The following PDE7B variants were observed in gnomAD, a reference collection of about 807,000 sequenced individuals.
PDE7B encodes the protein phosphodiesterase 7B, also known as 3',5'-cyclic-AMP phosphodiesterase 7B.
In PDE7B, 29 loss-of-function variants were observed where a neutral mutation model predicts 56.2. The observed-to-expected ratio is 0.52, with a 90% CI of 0.38 to 0.70. PDE7B has a LOEUF of 0.70. Among genes scored for constraint, PDE7B ranks in the 30% least tolerant of loss-of-function variants. PDE7B has a pLI of 0.00. For missense variants in PDE7B, 490 were observed against 565.0 expected (o/e 0.87, Z 1.35); for synonymous variants, 197 against 196.9 (o/e 1.00, Z 0.00).
intron 3 of PDE7B, among the ~76,000 whole-genome samples, chr6:136,112,971 G>A (rs1267382467): frequency 2.0e-5 from 3 of 152,044 alleles, no homozygotes; most frequent in Non-Finnish European, 4.4e-5. Context: ...AGAGTGTCCT[G>A]ATTTGGACAC....
intron 11 of PDE7B, among the ~76,000 whole-genome samples, chr6:136,186,180 T>C (rs1018834739): frequency 6.6e-6 from 1 of 151,880 alleles, no homozygotes; most frequent in Non-Finnish European, 1.5e-5. Context: ...GTTTGGAAGA[T>C]GGAGGCAGGA....
intron 1 of PDE7B, among the ~76,000 whole-genome samples, chr6:135,908,013 C>A (rs1002343787): frequency 1.3e-5 from 2 of 151,768 alleles, no homozygotes; most frequent in African/African-American, 4.8e-5. Flanking sequence ...TTCATATTTA[C>A]CAAATTGGCA....
rs555301923 is a variant in PDE7B, at chr6:135,965,513, T to G, written c.82+17989T>G. Among the ~76,000 whole-genome samples, 7 of 152,268 alleles carry G rather than the reference T, an allele frequency of 4.6e-5. No individual in the cohort carries two copies. In the South Asian group the frequency reaches 1.5e-3, roughly 32 times the overall value. ...AATTTATAAAGAAAAAGAGGTTTGATGGGCCCACAGTTCCACATGGCTGGG... is the reference window on the plus strand; with the variant it reads ...AATTTATAAAGAAAAAGAGGTTTGAGGGGCCCACAGTTCCACATGGCTGGG... On this transcript the variant is annotated intron_variant, in intron 2 of 12. Transcript: ENST00000308191.
At chr6:136,004,951 C>T (rs1775749870) in intron 2 of PDE7B, among the ~76,000 whole-genome samples, 1 of 152,196 alleles carries the variant, frequency 6.6e-6, no homozygotes, top group Non-Finnish European at 1.5e-5. Flanking sequence ...TGACTTCAAA[C>T]TATACTACAA....
chr6:136,029,904 C>T (rs894859317), intron 2 of PDE7B, among the ~76,000 whole-genome samples: 3 of 152,158 alleles, frequency 2.0e-5, no homozygotes, highest in African/African-American at 7.2e-5. Flanking sequence ...CTGTACCATG[C>T]AAAGAATGTG....
chr6:135,870,218 A>G (rs1775350410), intron 1 of PDE7B, among the ~76,000 whole-genome samples: 1 of 152,178 alleles, frequency 6.6e-6, no homozygotes, highest in African/African-American at 2.4e-5. Context: ...CTATAGGAAT[A>G]TAGGACCAAA....
At chr6:135,949,333 C>G (rs1354147542) in intron 2 of PDE7B, among the ~76,000 whole-genome samples, 1 of 151,978 alleles carries the variant, frequency 6.6e-6, no homozygotes, top group Admixed American at 6.6e-5. Flanking sequence ...CTACTACTGC[C>G]TATAGATTTG....
At chr6:135,884,993 C>T (rs573547729) in intron 1 of PDE7B, among the ~76,000 whole-genome samples, 1 of 152,244 alleles carries the variant, frequency 6.6e-6, no homozygotes. Flanking sequence ...GAGCCCACAT[C>T]AACTCATGGA....
At chr6:136,001,436 A>G (rs915608828) in intron 2 of PDE7B, among the ~76,000 whole-genome samples, 2 of 152,220 alleles carry the variant, frequency 1.3e-5, no homozygotes, top group African/African-American at 4.8e-5. Context: ...AAAGGCAAAG[A>G]AGCTGAAAAC....
intron 1 of PDE7B, among the ~76,000 whole-genome samples, chr6:135,901,664 G>T (rs1033750685): frequency 1.8e-4 from 27 of 152,232 alleles, no homozygotes; most frequent in Middle Eastern, 3.4e-3. Flanking sequence ...CCAGGGAGCA[G>T]CTGTATGCAG....
rs1344501229 is a variant in PDE7B at position 136,194,596 on chromosome 6, A to G, written c.*2756A>G. 1.3e-5 allele frequency: 2 copies of G among 152,208 alleles called. No homozygotes were observed. Among genetic ancestry groups the G allele is most frequent in the Non-Finnish European group, 2.9e-5 (2 of 68,042 alleles). 9.4% of individuals were successfully genotyped at this position (152,208 alleles called of 1,614,324 possible). A position where few individuals can be genotyped will look rare whatever the true frequency, so the allele number is the denominator to read the frequency against. ...GCAATATTTCAATAGGAGTCCAATT[A>G]CTAGTTAAAACACTGGCGGGGTGCG... On this transcript the variant is annotated 3_prime_UTR_variant, in exon 13 of 13. Coordinates refer to ENST00000308191, the MANE Select transcript of PDE7B (RefSeq NM_018945.4).
At position 136,068,479 on chromosome 6, in the gene PDE7B, G is replaced by A. The variant is rs577387049; in HGVS notation, c.83-40252G>A. On this transcript the variant is annotated intron_variant, in intron 2 of 12. Transcript: ENST00000308191. The stretch of plus-strand genomic sequence containing the variant: ...GGAGTCTCGCTCTGTCTCCCAGGCT[G>A]GAGTGCAGTGGCGCGATCTCGGCTG... Among the ~76,000 whole-genome samples the A allele has an allele frequency of 2.2e-3, 306 of 141,960 alleles. 1 individual carries two copies. The highest frequency in any genetic ancestry group is 8.1e-3 in the Middle Eastern group (2 of 246). The allele number at this position is 141,960 out of a possible 152,430, so 93.1% of individuals were successfully genotyped here.
chr6:135,974,558 C>G (rs1370749361), intron 2 of PDE7B, among the ~76,000 whole-genome samples: 1 of 152,102 alleles, frequency 6.6e-6, no homozygotes, highest in African/African-American at 2.4e-5. Flanking sequence ...CCAAATGGCT[C>G]AAACAGAAAA....
At chr6:136,176,984 T>C (rs1778987958) in intron 9 of PDE7B, among the ~76,000 whole-genome samples, 1 of 152,092 alleles carries the variant, frequency 6.6e-6, no homozygotes, top group Non-Finnish European at 1.5e-5. Flanking sequence ...TTTTATATAA[T>C]TTTTTATGTT....
chr6:135,864,211 T>C (rs546805431), intron 1 of PDE7B, among the ~76,000 whole-genome samples: 1 of 152,282 alleles, frequency 6.6e-6, no homozygotes, highest in East Asian at 1.9e-4. Context: ...ATTTGAGAAC[T>C]TCGGAATGCC....
At chr6:136,133,750 T>C (rs1203492101) in intron 3 of PDE7B, among the ~76,000 whole-genome samples, 3 of 152,158 alleles carry the variant, frequency 2.0e-5, no homozygotes, top group African/African-American at 7.2e-5. Context: ...GCTAAGTTAC[T>C]GCAATACTAG....
In PDE7B at chr6:136,194,258, CTTTG is replaced by C. The variant is rs1057053785; in HGVS notation, c.*2422_*2425del. 3 of 151,858 alleles carry C rather than the reference CTTTG, an allele frequency of 2.0e-5. No individual in the cohort carries two copies. Among genetic ancestry groups the C allele is most frequent in the African/African-American group, 4.8e-5 (2 of 41,360 alleles). 9.4% of individuals were successfully genotyped at this position (151,858 alleles called of 1,614,324 possible). On this transcript the variant is annotated 3_prime_UTR_variant, in exon 13 of 13. Transcript: ENST00000308191. ...GGGGTTTCTTGGGACTAAAAAATGG[CTTTG>C]TTTAAATTATAATTATATAATAATT...
chr6:136,187,175 A>C, intron 12 of PDE7B, 59 bp downstream of exon 12: 1 of 869,134 alleles, frequency 1.2e-6, no homozygotes, highest in Non-Finnish European at 1.9e-6. Flanking sequence ...CACAAAAGTG[A>C]CAAAGAAAAG....
chr6:136,074,777 A>G (rs560718801), intron 2 of PDE7B, among the ~76,000 whole-genome samples: 1 of 152,222 alleles, frequency 6.6e-6, no homozygotes, highest in Non-Finnish European at 1.5e-5. Flanking sequence ...TTTATGGCTG[A>G]ATAGTACTCC....
Sources: gnomAD v4.1 joint callset for allele counts (sites outside exome capture counted in the v4.1 genomes callset) on GRCh38, gnomAD v4.1.1 for gene constraint, MANE v1.5 for transcripts, NCBI Gene and HGNC (gene_info 2026-07-23, HGNC 2026-07-21) for gene names.